Variants in PGGT1B observed in about 807,000 individuals in gnomAD.
PGGT1B encodes the protein protein geranylgeranyltransferase type I subunit beta.
In PGGT1B, 30 loss-of-function variants were observed where a neutral mutation model predicts 46.1. The observed-to-expected ratio is 0.65, with a 90% CI of 0.49 to 0.88. The LOEUF (loss-of-function observed/expected upper bound fraction) is 0.88, where lower values mean the gene tolerates loss of function less well. PGGT1B is among the 40% of genes least tolerant of loss of function. PGGT1B has a pLI of 0.00. For missense variants in PGGT1B, 376 were observed against 455.9 expected (o/e 0.82, Z 1.60); for synonymous variants, 170 against 160.0 (o/e 1.06, Z -0.47).
At position 115,216,900 on chromosome 5, in the gene PGGT1B, A is replaced by G. The variant is rs1351669327; in HGVS notation, c.917T>C (p.Val306Ala). The change falls in exon 8 of 9, where the codon GTA becomes GCA. Residue 306 changes from valine (V) to alanine (A), a missense_variant. Val to Ala is a moderately conservative substitution (Grantham distance 64). This residue lies in a region of PGGT1B where 222 missense variants were observed against 313.6 expected (regional missense o/e 0.71). Coordinates refer to ENST00000419445, the MANE Select transcript of PGGT1B (RefSeq NM_005023.4). ...GTCTGGCCACTTGGCAAATCCCCCT[A>G]CAAGGCGATCTTGAGTTGATAAGAT... is the stretch of plus-strand genomic sequence containing the variant. ...NYILSTQDRL[V>A]GGFAKWPDSH... 7 of 1,596,068 alleles carry G rather than the reference A, an allele frequency of 4.4e-6. No homozygotes were observed. Among genetic ancestry groups the G allele is most frequent in the Middle Eastern group, 2.2e-4 (1 of 4,556 alleles).
intron 3 of PGGT1B, among the ~76,000 whole-genome samples, chr5:115,239,133 G>A (rs1580765708): frequency 6.6e-6 from 1 of 151,928 alleles, no homozygotes; most frequent in East Asian, 1.9e-4. Context: ...CGCCTCCAAG[G>A]CTCAAGCAAT....
Position 115,216,896 on chromosome 5 carries a change from C to T in PGGT1B, c.921G>A (p.Gly307=). Residue 307 remains glycine (G), a synonymous_variant, in exon 8 of 9, where the codon GGG becomes GGA. Coordinates refer to ENST00000419445, the MANE Select transcript of PGGT1B (RefSeq NM_005023.4). ...YILSTQDRLV[G]GFAKWPDSHP... Reference sequence around the variant, plus strand: ...GACTGTCTGGCCACTTGGCAAATCCCCCTACAAGGCGATCTTGAGTTGATA... The same window carrying T: ...GACTGTCTGGCCACTTGGCAAATCCTCCTACAAGGCGATCTTGAGTTGATA... 1.3e-6 allele frequency: 2 copies of T among 1,594,008 alleles called. No individual in the cohort carries two copies. The highest frequency in any genetic ancestry group is 1.7e-6 in the Non-Finnish European group (2 of 1,164,104).
At chr5:115,237,408 T>C (rs576748468) in intron 4 of PGGT1B, among the ~76,000 whole-genome samples, 1 of 152,194 alleles carries the variant, frequency 6.6e-6, no homozygotes, top group Non-Finnish European at 1.5e-5. Context: ...TCAATGAACA[T>C]ACGAACTCCT....
In PGGT1B at chr5:115,258,947, C is replaced by G. The variant is rs149148388; in HGVS notation, c.140+3765G>C. ...TCGCCTACCATTAGATTTACAGTTC[C>G]CATAAAGTAAATTTCTAAGACCTTA... On this transcript the variant is annotated intron_variant, in intron 1 of 8. Coordinates refer to ENST00000419445, the MANE Select transcript of PGGT1B (RefSeq NM_005023.4). Among the ~76,000 whole-genome samples the G allele has an allele frequency of 8.9e-3, 1,355 of 152,280 alleles. 19 individuals carry two copies. Among genetic ancestry groups the G allele is most frequent in the Non-Finnish European group, 9.9e-3 (672 of 68,012 alleles).
intron 5 of PGGT1B, among the ~76,000 whole-genome samples, chr5:115,232,611 T>A (rs937998931): frequency 9.9e-5 from 15 of 152,046 alleles, no homozygotes; most frequent in Admixed American, 9.2e-4. Context: ...AGGAAGAGTT[T>A]TCAAAGTTTT....
rs966228528 is a variant in PGGT1B, at chr5:115,205,961, A to C, written c.*6441T>G. ...TTAATCAGTGCCTCATTTGCCATTAAAATGGTAAAAAGTGCAATTACTTAT... is the reference window on the plus strand; with the variant it reads ...TTAATCAGTGCCTCATTTGCCATTACAATGGTAAAAAGTGCAATTACTTAT... On this transcript the variant is annotated 3_prime_UTR_variant, in exon 9 of 9. Coordinates refer to ENST00000419445, the MANE Select transcript of PGGT1B (RefSeq NM_005023.4). The C allele has an allele frequency of 2.6e-5, 4 of 152,016 alleles. No homozygotes were observed. Among genetic ancestry groups the C allele is most frequent in the Admixed American group, 6.5e-5 (1 of 15,270 alleles). 9.4% of individuals were successfully genotyped at this position (152,016 alleles called of 1,614,324 possible). A position where few individuals can be genotyped will look rare whatever the true frequency, so the allele number is the denominator to read the frequency against.
chr5:115,226,547 TATATATAAA>T (rs76044942), intron 6 of PGGT1B, among the ~76,000 whole-genome samples: 22,943 of 151,666 alleles, frequency 0.15, 2,424 homozygotes, highest in African/African-American at 0.3. Flanking sequence ...TTAAAATATA[TATATATAAA>T]ATAATATTTA....
At chr5:115,255,747 T>C (rs556510545) in intron 1 of PGGT1B, among the ~76,000 whole-genome samples, 5 of 152,166 alleles carry the variant, frequency 3.3e-5, no homozygotes, top group East Asian at 1.9e-4. Flanking sequence ...AATTTAGAAA[T>C]GATCTAGTCC....
chr5:115,212,615 G>A, intron 8 of PGGT1B, 32 bp from the exon 9 acceptor site: 1 of 1,451,874 alleles, frequency 6.9e-7, no homozygotes, highest in Non-Finnish European at 9.5e-7. Flanking sequence ...CATCATAATA[G>A]GCATTCTTAC....
intron 1 of PGGT1B, among the ~76,000 whole-genome samples, chr5:115,257,193 A>AG (rs1748356467): frequency 7.4e-5 from 1 of 13,488 alleles, no homozygotes; most frequent in African/African-American, 3.9e-3. Flanking sequence ...CAGGCTTAAG[A>AG]CACGCATACC....
chr5:115,235,229 C>A lies in PGGT1B; in HGVS notation c.612+1161G>T, dbSNP rs142253583. Among the ~76,000 whole-genome samples the A allele has an allele frequency of 5.3e-3, 804 of 151,912 alleles. 6 individuals are homozygous for A. Among genetic ancestry groups the A allele is most frequent in the African/African-American group, 0.018 (736 of 41,442 alleles). On this transcript the variant is annotated intron_variant, in intron 5 of 8. Transcript: ENST00000419445. ...AATGACAGTAACAGATTACAACCCA[C>A]TGAATAAAATAAGAAACTGAAGTCC...
intron 6 of PGGT1B, among the ~76,000 whole-genome samples, chr5:115,228,125 T>C (rs1166275356): frequency 1.3e-5 from 2 of 152,198 alleles, no homozygotes; most frequent in Admixed American, 6.5e-5. Flanking sequence ...TTTAAAAATA[T>C]GCAGTTTGAG....
At chr5:115,244,334 G>A (rs1580770527) in intron 2 of PGGT1B, among the ~76,000 whole-genome samples, 3 of 151,014 alleles carry the variant, frequency 2.0e-5, no homozygotes, top group Admixed American at 2.0e-4. Flanking sequence ...GCGCGGTGGC[G>A]GGCGCCTGTA....
Position 115,232,665 on chromosome 5 carries a change from T to C in PGGT1B, c.613-1644A>G, listed in dbSNP as rs187473365. ...CATAAAACAATCATAATTTTTCCCATTGATGATTAAAATCACCTTGTATCA... is the reference window on the plus strand; with the variant it reads ...CATAAAACAATCATAATTTTTCCCACTGATGATTAAAATCACCTTGTATCA... On this transcript the variant is annotated intron_variant, in intron 5 of 8. Coordinates refer to ENST00000419445, the MANE Select transcript of PGGT1B (RefSeq NM_005023.4). Among the ~76,000 whole-genome samples the C allele has an allele frequency of 4.7e-4, 71 of 152,206 alleles. No homozygotes were observed. The South Asian group carries it at 0.011, about 24-fold the overall frequency.
chr5:115,235,674 T>C (rs1263223789), intron 5 of PGGT1B, among the ~76,000 whole-genome samples: 19 of 152,124 alleles, frequency 1.2e-4, no homozygotes. Flanking sequence ...ACTCCTTTAA[T>C]GGTATCTTCT....
intron 4 of PGGT1B, 93 bp from the exon 5 acceptor site, chr5:115,236,615 A>G: frequency 1.5e-6 from 1 of 686,380 alleles, no homozygotes. Context: ...TGTCTTTACT[A>G]ACAGAAAAAT....
intron 6 of PGGT1B, 59 bp downstream of exon 6, chr5:115,230,917 C>T: frequency 9.8e-7 from 1 of 1,025,604 alleles, no homozygotes; most frequent in Non-Finnish European, 1.5e-6. Flanking sequence ...CTGAAGACAC[C>T]AAGATGTTGT....
Position 115,205,271 on chromosome 5 carries a change from A to G in PGGT1B, c.*7131T>C, listed in dbSNP as rs1317281213. The G allele has an allele frequency of 2.0e-5, 3 of 152,176 alleles. No individual in the cohort carries two copies. Among genetic ancestry groups the G allele is most frequent in the Admixed American group, 6.6e-5 (1 of 15,260 alleles). 9.4% of individuals were successfully genotyped at this position (152,176 alleles called of 1,614,324 possible). A position where few individuals can be genotyped will look rare whatever the true frequency, so the allele number is the denominator to read the frequency against. On this transcript the variant is annotated 3_prime_UTR_variant, in exon 9 of 9. Transcript: ENST00000419445. ...AGAAAACTTTTTGACTCACAAGTAG[A>G]TGCAAACATACATGAGTGAGGTCCC...
intron 1 of PGGT1B, chr5:115,262,441 G>A (rs185755737): frequency 1.3e-4 from 59 of 470,680 alleles, no homozygotes; most frequent in African/African-American, 1.0e-3. Context: ...CTATGGGAGC[G>A]GGTAAAAAAG....
Sources: allele counts gnomAD v4.1 joint callset (sites outside exome capture counted in the v4.1 genomes callset), GRCh38; gene constraint gnomAD v4.1.1; regional missense constraint gnomAD v4.1.1; transcripts MANE v1.5; gene names NCBI Gene and HGNC (gene_info 2026-07-23, HGNC 2026-07-21).